Variants in PACSIN1 observed in about 807,000 individuals in gnomAD.
The protein encoded by PACSIN1 is protein kinase C and casein kinase substrate in neurons 1, also known as protein kinase C and casein kinase substrate in neurons protein 1.
A neutral mutation model predicts 59.5 loss-of-function variants in PACSIN1; 15 were observed. That is an observed-to-expected ratio of 0.25 (90% CI 0.17 to 0.39). The LOEUF is 0.39. Among genes scored for constraint, PACSIN1 ranks in the 10% least tolerant of loss-of-function variants. The pLI, the probability that PACSIN1 is intolerant of heterozygous loss-of-function variation, is 1.00. For synonymous variants in PACSIN1, 210 were observed against 220.6 expected (o/e 0.95, Z 0.42); for missense variants, 420 against 580.2 (o/e 0.72, Z 2.84).
At chr6:34,509,488 G>A (rs140895535) in intron 1 of PACSIN1, among the ~76,000 whole-genome samples, 231 of 152,228 alleles carry the variant, frequency 1.5e-3, no homozygotes, top group Middle Eastern at 6.8e-3. Flanking sequence ...AATATGTTTT[G>A]AAATCAGGAA....
rs145471358 is a variant in PACSIN1, at chr6:34,494,284, C to T, written c.-64+28014C>T. Among the ~76,000 whole-genome samples the T allele has an allele frequency of 6.2e-4, 94 of 152,310 alleles. No homozygotes were observed. In the East Asian group the frequency reaches 7.5e-3, roughly 12 times the overall value. The stretch of plus-strand genomic sequence containing the variant: ...TTTCATGGTATGCCCCTACCTCTTG[C>T]TCATCAATGTCCTCTTAGAAGCAGG... On this transcript the variant is annotated intron_variant, in intron 1 of 9. Coordinates refer to ENST00000244458, the MANE Select transcript of PACSIN1 (RefSeq NM_020804.5).
chr6:34,481,379 G>T (rs147380999), intron 1 of PACSIN1, among the ~76,000 whole-genome samples: 48 of 152,176 alleles, frequency 3.2e-4, no homozygotes, highest in Middle Eastern at 3.4e-3. Flanking sequence ...GTTCACACGG[G>T]TTTTTGAAAA....
rs1340679782 is a variant in PACSIN1 at position 34,534,460 on chromosome 6, C to G, written c.*1930C>G. On this transcript the variant is annotated 3_prime_UTR_variant, in exon 10 of 10. Coordinates refer to ENST00000244458, the MANE Select transcript of PACSIN1 (RefSeq NM_020804.5). Reference sequence around the variant, plus strand: ...TTGGAAGCCTGCAGTCCTCCCAGCTCCAGTGCAGAAGCCTCTCTCTCCAGC... The same window carrying G: ...TTGGAAGCCTGCAGTCCTCCCAGCTGCAGTGCAGAAGCCTCTCTCTCCAGC... 6.5e-6 allele frequency: 1 copy of G among 152,940 alleles called. No individual in the cohort carries two copies. Among genetic ancestry groups the G allele is most frequent in the Non-Finnish European group, 1.5e-5 (1 of 68,276 alleles). The allele number at this position is 152,940 out of a possible 1,614,324, so 9.5% of individuals were successfully genotyped here.
intron 4 of PACSIN1, 23 bp downstream of exon 4, chr6:34,528,900 G>C: frequency 7.2e-7 from 1 of 1,384,580 alleles, no homozygotes; most frequent in Non-Finnish European, 1.0e-6. Flanking sequence ...TGCTGCCACG[G>C]GCGGGGTGGG....
At chr6:34,490,625 A>G (rs938896266) in intron 1 of PACSIN1, among the ~76,000 whole-genome samples, 1 of 152,180 alleles carries the variant, frequency 6.6e-6, no homozygotes. Flanking sequence ...CTGTAACTGC[A>G]GCTCCAACTA....
intron 1 of PACSIN1, among the ~76,000 whole-genome samples, chr6:34,477,255 C>T (rs1273477928): frequency 6.6e-6 from 1 of 151,564 alleles, no homozygotes; most frequent in Non-Finnish European, 1.5e-5. Context: ...CTTTGGGAGG[C>T]CAAAGCGGGA....
At position 34,530,563 on chromosome 6, in the gene PACSIN1, C is replaced by T. The variant is rs1426328376; in HGVS notation, c.1013C>T (p.Thr338Ile). 6.3e-7 allele frequency: 1 copy of T among 1,594,428 alleles called. No homozygotes were observed. The highest frequency in any genetic ancestry group is 2.2e-5 in the East Asian group (1 of 44,516). The change falls in exon 8 of 10, where the codon ACA becomes ATA. Residue 338 changes from threonine to isoleucine, a missense_variant. By Grantham distance (89) the Thr-to-Ile change is moderately conservative. Coordinates refer to ENST00000244458, the MANE Select transcript of PACSIN1 (RefSeq NM_020804.5). The surrounding 1 kb of genome is among the most constrained non-coding windows in gnomAD (Gnocchi z 4.4). ...LTNATGAVES[T>I]SQAGDRGSVS... ...AATGCCACTGGGGCGGTAGAGTCCACATCCCAGGCTGGGGACCGCGGCAGG... is the reference window on the plus strand; with the variant it reads ...AATGCCACTGGGGCGGTAGAGTCCATATCCCAGGCTGGGGACCGCGGCAGG...
intron 1 of PACSIN1, among the ~76,000 whole-genome samples, chr6:34,467,879 T>C (rs943280491): frequency 6.6e-6 from 1 of 151,688 alleles, no homozygotes; most frequent in Non-Finnish European, 1.5e-5. Context: ...AAGCCTGGAG[T>C]TGATGGGCAG....
intron 1 of PACSIN1, among the ~76,000 whole-genome samples, chr6:34,504,272 A>G (rs6938065): frequency 0.38 from 44,801 of 117,774 alleles, 9,173 homozygotes; most frequent in Middle Eastern, 0.48. Flanking sequence ...GTGTGTGTGT[A>G]TATATATATA....
intron 1 of PACSIN1, among the ~76,000 whole-genome samples, chr6:34,473,611 G>A (rs1024683097): frequency 2.0e-5 from 3 of 152,178 alleles, no homozygotes; most frequent in African/African-American, 7.2e-5. Flanking sequence ...GAGGGCTGGG[G>A]GTTGGGGGTC....
At chr6:34,510,912 C>T (rs577496294) in intron 1 of PACSIN1, among the ~76,000 whole-genome samples, 207 of 152,260 alleles carry the variant, frequency 1.4e-3, no homozygotes, top group African/African-American at 4.4e-3. Flanking sequence ...AGGGTTTCAC[C>T]GTGTTGCCCA....
In PACSIN1 at chr6:34,500,656, C is replaced by G. The variant is rs184379779; in HGVS notation, c.-63-25587C>G. On this transcript the variant is annotated intron_variant, in intron 1 of 9. Coordinates refer to ENST00000244458, the MANE Select transcript of PACSIN1 (RefSeq NM_020804.5). ...CTTAAAATCACCAGCTGCTTTAGCC[C>G]CTAACAAGAGAGTCAGCCTGTCCTT... 4.3e-3 allele frequency among the ~76,000 whole-genome samples: 652 copies of G among 152,256 alleles called. 4 individuals are homozygous for G. The highest frequency in any genetic ancestry group is 6.7e-3 in the Non-Finnish European group (455 of 68,024).
rs1767019615 is a variant in PACSIN1 at position 34,501,307 on chromosome 6, A to C, written c.-63-24936A>C. ...GTAGACAAAAATCTTTTTTCAAGACAGGGGATTCCTTGGGTGAAGAAATAC... is the reference window on the plus strand; with the variant it reads ...GTAGACAAAAATCTTTTTTCAAGACCGGGGATTCCTTGGGTGAAGAAATAC... On this transcript the variant is annotated intron_variant, in intron 1 of 9. Coordinates refer to ENST00000244458, the MANE Select transcript of PACSIN1 (RefSeq NM_020804.5). 1.3e-5 allele frequency among the ~76,000 whole-genome samples: 2 copies of C among 151,762 alleles called. 1 individual carries two copies. Among genetic ancestry groups the C allele is most frequent in the South Asian group, 4.1e-4 (2 of 4,832 alleles).
Position 34,532,640 on chromosome 6 carries a change from C to G in PACSIN1, c.*110C>G. 1 of 677,290 alleles carries G rather than the reference C, an allele frequency of 1.5e-6. No homozygotes were observed. Among genetic ancestry groups the G allele is most frequent in the Non-Finnish European group, 2.5e-6 (1 of 393,812 alleles). 42.0% of individuals were successfully genotyped at this position (677,290 alleles called of 1,614,324 possible). ...GTTCCAGACATATTTTCCGATCAAG[C>G]TTTTATTTTTTTAAAAGTCAAAACA... On this transcript the variant is annotated 3_prime_UTR_variant, in exon 10 of 10. Transcript: ENST00000244458. This position sits in a 1 kb window ranked among gnomAD's most constrained non-coding sequence, Gnocchi z 5.2.
intron 1 of PACSIN1, among the ~76,000 whole-genome samples, chr6:34,508,968 G>A (rs1050066012): frequency 1.3e-5 from 2 of 152,090 alleles, no homozygotes; most frequent in African/African-American, 4.8e-5. Context: ...AGCAGGTTAC[G>A]TTTTCACTCT....
chr6:34,527,223 A>G, intron 2 of PACSIN1, 109 bp from the exon 3 acceptor site: 1 of 1,132,646 alleles, frequency 8.8e-7, no homozygotes, highest in Non-Finnish European at 1.2e-6. Flanking sequence ...GCGAGGCCGT[A>G]AGCGGGGAGG....
Position 34,515,375 on chromosome 6 carries a change from G to A in PACSIN1, c.-63-10868G>A, listed in dbSNP as rs913538324. 5.3e-5 allele frequency among the ~76,000 whole-genome samples: 8 copies of A among 152,206 alleles called. No homozygotes were observed. In the East Asian group the frequency reaches 1.2e-3, roughly 22 times the overall value. ...TGCCCCCTCCTTGGGGCAGCAGGCC[G>A]AGGGAGGCTGGAGCCTCCAGGGACC... On this transcript the variant is annotated intron_variant, in intron 1 of 9. Transcript: ENST00000244458. The surrounding 1 kb of genome is among the most constrained non-coding windows in gnomAD (Gnocchi z 4.4).
At position 34,531,785 on chromosome 6, in the gene PACSIN1, C is replaced by A. The variant is rs1454889217; in HGVS notation, c.1223C>A (p.Ala408Asp). The change falls in exon 9 of 10, where the codon GCC (alanine) becomes GAC (aspartate). Residue 408 changes from alanine (A) to aspartate (D), a missense_variant and splice_region_variant. By Grantham distance (126) the Ala-to-Asp change is moderately radical. Transcript: ENST00000244458. This position sits in a 1 kb window ranked among gnomAD's most constrained non-coding sequence, Gnocchi z 4.4. ...GAGCAGGACGAGCTCAGCTTTAAGG[C>A]CGGTAGGACGGCTGGGCGGGGCAGT... Reference protein sequence around the residue: ...GQEQDELSFKAGDELTKLGEE... With the variant: ...GQEQDELSFKDGDELTKLGEE... 6.4e-7 allele frequency: 1 copy of A among 1,558,170 alleles called. No homozygotes were observed. The highest frequency in any genetic ancestry group is 1.4e-5 in the African/African-American group (1 of 73,024).
intron 1 of PACSIN1, among the ~76,000 whole-genome samples, chr6:34,472,079 T>C (rs1158775160): frequency 6.6e-6 from 1 of 151,880 alleles, no homozygotes; most frequent in Non-Finnish European, 1.5e-5. Flanking sequence ...GAGACCAACC[T>C]GGCCAATATG....
Sources: allele counts gnomAD v4.1 joint callset (sites outside exome capture counted in the v4.1 genomes callset), GRCh38; gene constraint gnomAD v4.1.1; non-coding constraint Gnocchi (gnomAD v3.1); transcripts MANE v1.5; gene names NCBI Gene and HGNC (gene_info 2026-07-23, HGNC 2026-07-21).